FOXO1: variants seen among roughly 807,000 people sequenced by gnomAD.
FOXO1 encodes the protein forkhead box protein O1.
Under a neutral mutation model 44.1 loss-of-function variants are expected in FOXO1, and 6 were observed. That is an observed-to-expected ratio of 0.14 (90% CI 0.07 to 0.27). The LOEUF (loss-of-function observed/expected upper bound fraction) is 0.27. FOXO1 is among the 10% of genes least tolerant of loss of function. The pLI is 1.00. For synonymous variants in FOXO1, 380 were observed against 362.7 expected (o/e 1.05, Z -0.54); for missense variants, 737 against 888.8 (o/e 0.83, Z 2.17).
At chr13:40,579,627 G>A (rs1453110884) in intron 1 of FOXO1, among the ~76,000 whole-genome samples, 4 of 152,124 alleles carry the variant, frequency 2.6e-5, no homozygotes, top group South Asian at 2.1e-4. Flanking sequence ...AAAAGGGGGC[G>A]GGGGCGGTAC....
At chr13:40,569,710 T>C (rs1593382140) in intron 1 of FOXO1, among the ~76,000 whole-genome samples, 2 of 152,346 alleles carry the variant, frequency 1.3e-5, no homozygotes, top group South Asian at 4.1e-4. Flanking sequence ...TCAGAACACG[T>C]GTGTCCAGGA....
intron 1 of FOXO1, among the ~76,000 whole-genome samples, chr13:40,661,287 T>A (rs1878028578): frequency 6.6e-6 from 1 of 152,100 alleles, no homozygotes; most frequent in African/African-American, 2.4e-5. Flanking sequence ...TCTTCTTTTT[T>A]TTTTTGGAGA....
chr13:40,611,015 T>A (rs1212890356), intron 1 of FOXO1: 1 of 455,214 alleles, frequency 2.2e-6, no homozygotes, highest in Non-Finnish European at 4.4e-6. Flanking sequence ...GAATGCAAAG[T>A]CTTACTTGTT....
chr13:40,569,208 T>C (rs1356067539), intron 1 of FOXO1, among the ~76,000 whole-genome samples: 1 of 152,192 alleles, frequency 6.6e-6, no homozygotes, highest in Non-Finnish European at 1.5e-5. Flanking sequence ...AACTCATAGG[T>C]GTCAGGAGAA....
intron 1 of FOXO1, among the ~76,000 whole-genome samples, chr13:40,663,071 T>TGAAC (rs2137946873): frequency 6.6e-6 from 1 of 152,324 alleles, no homozygotes; most frequent in Admixed American, 6.5e-5. Context: ...CCAACTGACA[T>TGAAC]TACACCTGAA....
At position 40,584,469 on chromosome 13, in the gene FOXO1, C is replaced by CAAAAA. The variant is rs55733141; in HGVS notation, c.631-23614_631-23610dup. 1.3e-3 allele frequency among the ~76,000 whole-genome samples: 83 copies of CAAAAA among 63,112 alleles called. 6 individuals are homozygous for CAAAAA. The highest frequency in any genetic ancestry group is 1.7e-3 in the Non-Finnish European group (64 of 37,886). The allele number at this position is 63,112 out of a possible 152,430, so 41.4% of individuals were successfully genotyped here. A position where few individuals can be genotyped will look rare whatever the true frequency, so the allele number is the denominator to read the frequency against. On this transcript the variant is annotated intron_variant, in intron 1 of 2. Coordinates refer to ENST00000379561, the MANE Select transcript of FOXO1 (RefSeq NM_002015.4). ...AGAAATTCTATCTCCACAAAAAATG[C>CAAAAA]AAAAAAAAAAAAAAAAAAAAAAAAA...
At chr13:40,593,284 T>C (rs953716865) in intron 1 of FOXO1, among the ~76,000 whole-genome samples, 34 of 152,150 alleles carry the variant, frequency 2.2e-4, no homozygotes, top group African/African-American at 7.7e-4. Context: ...CACAATGGCC[T>C]CACAAAGTGC....
intron 1 of FOXO1, among the ~76,000 whole-genome samples, chr13:40,617,428 T>G (rs1876465422): frequency 7.1e-6 from 1 of 141,292 alleles, no homozygotes. Flanking sequence ...AGAGCAAAAC[T>G]CCGTCTCAAA....
intron 1 of FOXO1, among the ~76,000 whole-genome samples, chr13:40,641,520 T>G (rs543002698): frequency 1.3e-5 from 2 of 152,178 alleles, no homozygotes; most frequent in Non-Finnish European, 2.9e-5. Flanking sequence ...AGTATGTGCA[T>G]TAATTGTTTA....
intron 1 of FOXO1, among the ~76,000 whole-genome samples, chr13:40,592,179 A>C (rs1875400042): frequency 6.6e-6 from 1 of 152,200 alleles, no homozygotes. Flanking sequence ...TGGGTAAACC[A>C]GAATGTGCAA....
At chr13:40,651,440 A>G (rs889263183) in intron 1 of FOXO1, among the ~76,000 whole-genome samples, 35 of 152,304 alleles carry the variant, frequency 2.3e-4, no homozygotes, top group South Asian at 1.2e-3. Context: ...AGAAAAGAGG[A>G]TATCAATAAC....
chr13:40,640,720 G>A (rs891871135), intron 1 of FOXO1, among the ~76,000 whole-genome samples: 12 of 152,160 alleles, frequency 7.9e-5, no homozygotes, highest in African/African-American at 2.4e-4. Flanking sequence ...CAAGAACAAA[G>A]TATTTTCTGT....
intron 1 of FOXO1, among the ~76,000 whole-genome samples, chr13:40,585,245 G>A (rs1875113128): frequency 6.6e-6 from 1 of 152,092 alleles, no homozygotes. Flanking sequence ...AGAAGCAAGA[G>A]TTAAGAGAAT....
intron 1 of FOXO1, among the ~76,000 whole-genome samples, chr13:40,648,973 C>T (rs1334241): frequency 0.19 from 29,371 of 152,116 alleles, 2,990 homozygotes; most frequent in South Asian, 0.29. Context: ...TGCAGGTCTG[C>T]GGGAAAGTGG....
At chr13:40,595,579 G>A (rs1055563445) in intron 1 of FOXO1, among the ~76,000 whole-genome samples, 3 of 152,086 alleles carry the variant, frequency 2.0e-5, no homozygotes, top group Admixed American at 6.5e-5. Context: ...ACGGGGCAGG[G>A]GTGGTAATAT....
In FOXO1 at chr13:40,557,216, C is replaced by T. The variant is rs573046023; in HGVS notation, c.*1833G>A. On this transcript the variant is annotated 3_prime_UTR_variant, in exon 3 of 3. Transcript: ENST00000379561. ...AGAAAAATTAGATCCTTCTCAAGAA[C>T]ACAAGAGGAACAGTGCTGTGCACCT... 1.3e-5 allele frequency: 2 copies of T among 152,346 alleles called. No homozygotes were observed. Among genetic ancestry groups the T allele is most frequent in the South Asian group, 4.1e-4 (2 of 4,830 alleles). 9.4% of individuals were successfully genotyped at this position (152,346 alleles called of 1,614,324 possible).
At chr13:40,619,711 A>C in intron 1 of FOXO1, 2 of 1,096,350 alleles carry the variant, frequency 1.8e-6, no homozygotes, top group Non-Finnish European at 2.8e-6. Flanking sequence ...AAGGGGGAAA[A>C]ATTCAGCTGA....
intron 1 of FOXO1, among the ~76,000 whole-genome samples, chr13:40,652,424 C>G (rs57735994): frequency 0.41 from 62,795 of 151,514 alleles, 14,236 homozygotes; most frequent in East Asian, 0.73. Context: ...TTTTAGTAAA[C>G]ACGAGGTTTC....
intron 1 of FOXO1, among the ~76,000 whole-genome samples, chr13:40,632,449 A>G (rs1036393449): frequency 6.6e-6 from 1 of 151,564 alleles, no homozygotes; most frequent in Non-Finnish European, 1.5e-5. Context: ...ACCAGCCTGG[A>G]CAACATGGCA....
Sources: allele counts gnomAD v4.1 joint callset (sites outside exome capture counted in the v4.1 genomes callset), GRCh38; gene constraint gnomAD v4.1.1; transcripts MANE v1.5; gene names NCBI Gene and HGNC (gene_info 2026-07-23, HGNC 2026-07-21).